Variants in IQCK observed in about 807,000 individuals in gnomAD.
IQCK encodes the protein IQ domain-containing protein K.
A neutral mutation model predicts 28.1 loss-of-function variants in IQCK; 29 were observed. The observed-to-expected ratio is 1.03, with a 90% CI of 0.77 to 1.41. The LOEUF is 1.41. Ranked by LOEUF, IQCK falls within the 40% of genes most tolerant of loss-of-function variation. The pLI is 0.00. For missense variants in IQCK, 359 were observed against 314.7 expected (o/e 1.14, Z -1.07); for synonymous variants, 113 against 115.1 (o/e 0.98, Z 0.12).
intron 2 of IQCK, 121 bp downstream of exon 2, chr16:19,730,615 C>G (rs774229012): frequency 1.5e-6 from 1 of 666,578 alleles, no homozygotes. Flanking sequence ...GGCACTGGAG[C>G]GAGAACCAGA....
At chr16:19,781,146 T>A (rs1048051760) in intron 6 of IQCK, among the ~76,000 whole-genome samples, 2 of 152,172 alleles carry the variant, frequency 1.3e-5, no homozygotes, top group African/African-American at 4.8e-5. Context: ...TCTCCTTAAA[T>A]TTTTCCTTTA....
chr16:19,777,930 G>A (rs2055417533), intron 6 of IQCK, among the ~76,000 whole-genome samples: 1 of 152,154 alleles, frequency 6.6e-6, no homozygotes, highest in South Asian at 2.1e-4. Context: ...GTGCACACCT[G>A]TAGTTCCAGT....
intron 3 of IQCK, 113 bp from the exon 4 acceptor site, chr16:19,735,240 G>T: frequency 1.4e-6 from 1 of 728,056 alleles, no homozygotes; most frequent in South Asian, 1.6e-5. Flanking sequence ...TAACATCTAA[G>T]ATCATGTGAT....
chr16:19,765,348 G>A (rs559051372), intron 6 of IQCK, among the ~76,000 whole-genome samples: 2 of 151,932 alleles, frequency 1.3e-5, no homozygotes, highest in African/African-American at 4.8e-5. Flanking sequence ...GACCAGCCTG[G>A]CCAACATGGC....
In IQCK at chr16:19,817,042, T is replaced by C. The variant is rs76178326; in HGVS notation, c.691-9984T>C. On this transcript the variant is annotated intron_variant, in intron 7 of 7. Coordinates refer to ENST00000564186, the Ensembl canonical transcript of IQCK. ...ATCCAGGGTTGGCTTTTAAAACCAATATGGTACCCTGTACTAGCTTCCATC... is the reference window on the plus strand; with the variant it reads ...ATCCAGGGTTGGCTTTTAAAACCAACATGGTACCCTGTACTAGCTTCCATC... 2.3e-3 allele frequency among the ~76,000 whole-genome samples: 344 copies of C among 152,196 alleles called. 9 individuals carry two copies. In the East Asian group the frequency reaches 0.061, roughly 27 times the overall value.
intron 7 of IQCK, among the ~76,000 whole-genome samples, chr16:19,822,937 C>G (rs563955122): frequency 1.3e-5 from 2 of 151,930 alleles, no homozygotes; most frequent in African/African-American, 4.8e-5. Context: ...CAACAAGGCT[C>G]TTTGATGTAA....
At chr16:19,735,065 G>A (rs1007273237) in intron 3 of IQCK, among the ~76,000 whole-genome samples, 5 of 151,868 alleles carry the variant, frequency 3.3e-5, no homozygotes, top group African/African-American at 7.3e-5. Flanking sequence ...TTGTCCCTCC[G>A]GCCACACTGG....
intron 4 of IQCK, among the ~76,000 whole-genome samples, chr16:19,750,647 A>G (rs923835267): frequency 8.6e-5 from 13 of 150,468 alleles, no homozygotes; most frequent in African/African-American, 2.9e-4. Flanking sequence ...TTTTTAGTAG[A>G]GACGGGGTTT....
chr16:19,743,492 G>GTCAGCACTTTTTGAGCC (rs1222919012), intron 4 of IQCK, among the ~76,000 whole-genome samples: 1 of 152,252 alleles, frequency 6.6e-6, no homozygotes, highest in African/African-American at 2.4e-5. Context: ...AATAGTAGTT[G>GTCAGCACTTTTTGAGCC]TCAGCACTTT....
At chr16:19,774,297 C>G (rs34248870) in intron 6 of IQCK, among the ~76,000 whole-genome samples, 1 of 151,640 alleles carries the variant, frequency 6.6e-6, no homozygotes, top group Non-Finnish European at 1.5e-5. Context: ...AAGTTCCCCC[C>G]GTAAGAGGAA....
chr16:19,810,859 T>G (rs2055895907), intron 7 of IQCK, among the ~76,000 whole-genome samples: 3 of 152,028 alleles, frequency 2.0e-5, no homozygotes, highest in South Asian at 2.1e-4. Flanking sequence ...TTTGTATGGT[T>G]GTTCTGAGAA....
intron 1 of IQCK, among the ~76,000 whole-genome samples, chr16:19,724,730 C>T (rs748306099): frequency 2.6e-5 from 4 of 152,084 alleles, no homozygotes; most frequent in Non-Finnish European, 5.9e-5. Flanking sequence ...GAGGGGGTTT[C>T]ACCATGTTAG....
chr16:19,828,174 A>G (rs2056174238), downstream of IQCK, among the ~76,000 whole-genome samples: 1 of 150,134 alleles, frequency 6.7e-6, no homozygotes, highest in Non-Finnish European at 1.5e-5. Flanking sequence ...GGCCTCCCAA[A>G]GTGCTGGGAT....
intron 6 of IQCK, among the ~76,000 whole-genome samples, chr16:19,775,586 A>G (rs1028450706): frequency 6.6e-6 from 1 of 152,198 alleles, no homozygotes; most frequent in Admixed American, 6.5e-5. Context: ...GTTATAAACA[A>G]TACCAAAATA....
chr16:19,737,372 A>C (rs938159020), intron 4 of IQCK, among the ~76,000 whole-genome samples: 2 of 152,098 alleles, frequency 1.3e-5, no homozygotes, highest in African/African-American at 4.8e-5. Context: ...TGTTCTAGCA[A>C]ATACCCGATG....
At position 19,836,667 on chromosome 16, in the gene IQCK, C is replaced by T. The variant is rs138991109; in HGVS notation, c.802+9530C>T. On this transcript the variant is annotated intron_variant, in intron 9 of 9. Transcript: ENST00000320394. ...TAGCTGGGACTACAGGCGCACGCCA[C>T]CACGCCTGGCTAATTTTTGTATTTT... Among the ~76,000 whole-genome samples, 365 of 152,314 alleles carry T rather than the reference C, an allele frequency of 2.4e-3. 1 individual carries two copies. The highest frequency in any genetic ancestry group is 4.4e-3 in the Non-Finnish European group (297 of 68,024).
At chr16:19,723,948 A>C (rs924818014) in intron 1 of IQCK, among the ~76,000 whole-genome samples, 2 of 149,034 alleles carry the variant, frequency 1.3e-5, no homozygotes, top group Non-Finnish European at 3.0e-5. Context: ...TGACAGAGTG[A>C]GACTCTTGTT....
At chr16:19,834,754 A>C (rs1268085554) in intron 9 of IQCK, among the ~76,000 whole-genome samples, 1 of 152,226 alleles carries the variant, frequency 6.6e-6, no homozygotes, top group African/African-American at 2.4e-5. Context: ...GTCCATCTAC[A>C]TTTGAGGAGC....
chr16:19,782,918 A>C (rs985814666), intron 6 of IQCK, among the ~76,000 whole-genome samples: 2 of 152,194 alleles, frequency 1.3e-5, no homozygotes, highest in Non-Finnish European at 2.9e-5. Flanking sequence ...GTGCACATAC[A>C]TTTATATATA....
Sources: allele counts gnomAD v4.1 joint callset (sites outside exome capture counted in the v4.1 genomes callset), GRCh38; gene constraint gnomAD v4.1.1; transcripts MANE v1.5; gene names NCBI Gene and HGNC (gene_info 2026-07-23, HGNC 2026-07-21).